Variants in RAD21 observed in about 807,000 individuals in gnomAD.
RAD21 encodes the protein double-strand-break repair protein rad21 homolog.
In RAD21, 18 loss-of-function variants were observed where a neutral mutation model predicts 71.5. That is an observed-to-expected ratio of 0.25 (90% CI 0.17 to 0.37). The LOEUF (loss-of-function observed/expected upper bound fraction) is 0.37, where lower values mean the gene tolerates loss of function less well. Ranked by LOEUF, RAD21 falls within the 10% of genes least tolerant of loss-of-function variation. The probability of loss-of-function intolerance (pLI) is 1.00; values close to 1 mark genes in which losing one functional copy is unlikely to be tolerated. For synonymous variants in RAD21, 248 were observed against 254.0 expected (o/e 0.98, Z 0.22); for missense variants, 493 against 769.1 (o/e 0.64, Z 4.25).
rs557679747 is a variant in RAD21 at position 116,858,104 on chromosome 8, G to A, written c.481+248C>T. The stretch of plus-strand genomic sequence containing the variant: ...AAACGTGATCACCACTTCAATGTTG[G>A]GACTCCTCGCAGAAATCAATATATA... On this transcript the variant is annotated intron_variant, in intron 5 of 13. Coordinates refer to ENST00000297338, the MANE Select transcript of RAD21 (RefSeq NM_006265.3). Among the ~76,000 whole-genome samples, 4 of 152,200 alleles carry A rather than the reference G, an allele frequency of 2.6e-5. No homozygotes were observed. The South Asian group carries it at 8.3e-4, about 32-fold the overall frequency.
chr8:116,856,608 A>G, intron 7 of RAD21, 38 bp downstream of exon 7: 1 of 1,542,150 alleles, frequency 6.5e-7, no homozygotes, highest in Non-Finnish European at 8.7e-7. Context: ...TGGATGCCAT[A>G]CAATCATCCC....
chr8:116,866,841 T>G, intron 1 of RAD21, 80 bp from the exon 2 acceptor site: 1 of 968,238 alleles, frequency 1.0e-6, no homozygotes, highest in Non-Finnish European at 1.4e-6. Context: ...TTTAAAATTT[T>G]TCTTCTCTCT....
chr8:116,852,167 T>C, intron 10 of RAD21, 71 bp from the exon 11 acceptor site: 2 of 1,319,200 alleles, frequency 1.5e-6, no homozygotes, highest in East Asian at 2.4e-5. Context: ...CCATTTATTT[T>C]TTAAACTAGT....
chr8:116,865,175 A>C (rs1270037060), intron 2 of RAD21, among the ~76,000 whole-genome samples: 2 of 152,132 alleles, frequency 1.3e-5, no homozygotes, highest in Non-Finnish European at 2.9e-5. Context: ...AACACATTAC[A>C]ATCTTTTACA....
chr8:116,848,389 ATAG>A lies in RAD21; in HGVS notation c.1704+554_1704+556del, dbSNP rs778644574. 7.2e-5 allele frequency among the ~76,000 whole-genome samples: 11 copies of A among 152,314 alleles called. No homozygotes were observed. In the East Asian group the frequency reaches 1.9e-3, roughly 27 times the overall value. The stretch of plus-strand genomic sequence containing the variant: ...AATTTCTTTAGACAGCTAATGTAAT[ATAG>A]TAGTAAAATCTAGCACTTATAGTTT... On this transcript the variant is annotated intron_variant, in intron 13 of 13. Transcript: ENST00000297338.
At chr8:116,860,412 TGAAA>T (rs1318218892) in intron 4 of RAD21, among the ~76,000 whole-genome samples, 5 of 152,122 alleles carry the variant, frequency 3.3e-5, no homozygotes, top group Non-Finnish European at 5.9e-5. Context: ...AAATCTCCCA[TGAAA>T]GAGTCAATTG....
intron 4 of RAD21, among the ~76,000 whole-genome samples, chr8:116,858,787 G>A (rs181195128): frequency 2.6e-5 from 4 of 152,016 alleles, no homozygotes; most frequent in Admixed American, 6.6e-5. Context: ...ACTTACAGGC[G>A]GTGTAAACTC....
chr8:116,868,962 G>GA (rs1443649623), intron 1 of RAD21, among the ~76,000 whole-genome samples: 1 of 151,508 alleles, frequency 6.6e-6, no homozygotes, highest in Non-Finnish European at 1.5e-5. Context: ...AAAAGGCAAG[G>GA]AAAAAACCCT....
At chr8:116,873,747 A>C (rs1036548118) in intron 1 of RAD21, among the ~76,000 whole-genome samples, 1 of 152,078 alleles carries the variant, frequency 6.6e-6, no homozygotes, top group African/African-American at 2.4e-5. Flanking sequence ...GCACAACCCG[A>C]CAGTGTCACC....
chr8:116,866,418 A>G (rs893695863), intron 2 of RAD21, among the ~76,000 whole-genome samples, 168 bp downstream of exon 2: 1 of 152,194 alleles, frequency 6.6e-6, no homozygotes, highest in Non-Finnish European at 1.5e-5. Flanking sequence ...ATCTGTAATC[A>G]TATCAAGTCT....
chr8:116,856,395 CTGT>C, intron 7 of RAD21, 107 bp from the exon 8 acceptor site: 3 of 1,324,344 alleles, frequency 2.3e-6, no homozygotes, highest in Non-Finnish European at 2.9e-6. Flanking sequence ...GAAAGAAATC[CTGT>C]TATTACTAAG....
At chr8:116,853,369 G>A (rs1435780524) in intron 9 of RAD21, among the ~76,000 whole-genome samples, 1 of 152,160 alleles carries the variant, frequency 6.6e-6, no homozygotes, top group East Asian at 1.9e-4. Flanking sequence ...ATGAGCGACT[G>A]CTTCTGGTCT....
At chr8:116,849,268 GC>G in intron 12 of RAD21, 1 of 411,170 alleles carries the variant, frequency 2.4e-6, no homozygotes, top group Non-Finnish European at 4.3e-6. Flanking sequence ...CTGAAAGTAT[GC>G]TTCTATATTG....
rs767550098 is a variant in RAD21, at chr8:116,850,785, A to G, written c.1471-18T>C. 3.0e-5 allele frequency: 45 copies of G among 1,479,208 alleles called. No homozygotes were observed. Among genetic ancestry groups the G allele is most frequent in the Non-Finnish European group, 4.1e-5 (44 of 1,062,598 alleles). 91.6% of individuals were successfully genotyped at this position (1,479,208 alleles called of 1,614,324 possible). On this transcript the variant is annotated intron_variant, in intron 11 of 13. Transcript: ENST00000297338. The stretch of plus-strand genomic sequence containing the variant: ...TGCTGAGGCTTAAAGCAATACAAAT[A>G]AGACAATTTAAGATATATGCTTTTA...
rs764687237 is a variant in RAD21, at chr8:116,857,518, A to G, written c.482-45T>C. 5.4e-6 allele frequency: 8 copies of G among 1,492,682 alleles called. No homozygotes were observed. The Admixed American group carries it at 1.3e-4, about 24-fold the overall frequency. The allele number at this position is 1,492,682 out of a possible 1,614,324, so 92.5% of individuals were successfully genotyped here. ...TCATTAGTTTAGAAAGATTAGAAAT[A>G]GCACTGTGATAAAAGAAAACTGCTA... On this transcript the variant is annotated intron_variant, in intron 5 of 13. Coordinates refer to ENST00000297338, the MANE Select transcript of RAD21 (RefSeq NM_006265.3).
intron 4 of RAD21, 92 bp downstream of exon 4, chr8:116,861,749 A>T: frequency 2.3e-6 from 2 of 873,024 alleles, no homozygotes; most frequent in South Asian, 3.0e-5. Flanking sequence ...CTGTTAATGT[A>T]AAACATTCCA....
At position 116,874,710 on chromosome 8, in the gene RAD21, C is replaced by A. The variant is rs1391156061; in HGVS notation, c.-132G>T. ...AGGGGGGAGCCCTTGCGAGGTGTAG[C>A]TTCCGAGCAGCTCCCGCCGCCGCCA... On this transcript the variant is annotated 5_prime_UTR_variant, in exon 1 of 14. Transcript: ENST00000297338. The A allele has an allele frequency of 2.3e-6, 1 of 444,394 alleles. No homozygotes were observed. The highest frequency in any genetic ancestry group is 4.5e-6 in the Non-Finnish European group (1 of 221,050). 27.5% of individuals were successfully genotyped at this position (444,394 alleles called of 1,614,324 possible). A position where few individuals can be genotyped will look rare whatever the true frequency, so the allele number is the denominator to read the frequency against.
chr8:116,848,316 G>C (rs951931165), intron 13 of RAD21, among the ~76,000 whole-genome samples: 4 of 152,204 alleles, frequency 2.6e-5, no homozygotes, highest in Middle Eastern at 3.4e-3. Flanking sequence ...AAATAAGAAA[G>C]TCCAAGAAAC....
chr8:116,862,851 G>A (rs1812618068), intron 3 of RAD21, among the ~76,000 whole-genome samples: 1 of 152,034 alleles, frequency 6.6e-6, no homozygotes, highest in African/African-American at 2.4e-5. Context: ...GATGACTCAA[G>A]TCTATGTAAG....
Sources: gnomAD v4.1 joint callset for allele counts (sites outside exome capture counted in the v4.1 genomes callset) on GRCh38, gnomAD v4.1.1 for gene constraint, MANE v1.5 for transcripts, NCBI Gene and HGNC (gene_info 2026-07-23, HGNC 2026-07-21) for gene names.